The following MORC3 variants were observed in gnomAD, a reference collection of about 807,000 sequenced individuals.
MORC3 encodes the protein MORC family CW-type zinc finger 3.
MORC3 carries 31 observed loss-of-function variants against 109.1 expected under a neutral mutation model. The ratio of observed to expected loss-of-function variants is 0.28; its 90% CI spans 0.21 to 0.38. MORC3 has a LOEUF of 0.38. Ranked by LOEUF, MORC3 falls within the 10% of genes least tolerant of loss-of-function variation. The pLI is 1.00. For missense variants in MORC3, 867 were observed against 1,135.8 expected, an observed-to-expected ratio of 0.76 and a Z score of 3.40; for synonymous variants, 395 against 380.7, an observed-to-expected ratio of 1.04 and a Z score of -0.44.
intron 9 of MORC3, among the ~76,000 whole-genome samples, chr21:36,354,303 TTTTCTTTCTTTC>T (rs938017297): frequency 4.8e-5 from 7 of 145,978 alleles, no homozygotes; most frequent in Non-Finnish European, 5.9e-5. Flanking sequence ...TCCATTTTTG[TTTTCTTTCTTTC>T]TTTCTTTCTT....
intron 1 of MORC3, among the ~76,000 whole-genome samples, chr21:36,322,056 T>C (rs1017596920): frequency 2.0e-5 from 3 of 152,152 alleles, no homozygotes; most frequent in Non-Finnish European, 4.4e-5. Context: ...TTGCTTTAGG[T>C]CAGGAGTTGG....
chr21:36,349,267 T>C, intron 8 of MORC3, 44 bp from the exon 9 acceptor site: 1 of 1,302,804 alleles, frequency 7.7e-7, no homozygotes, highest in South Asian at 1.2e-5. Context: ...ATTTTGAGCA[T>C]CATGTCTTAT....
intron 1 of MORC3, among the ~76,000 whole-genome samples, chr21:36,322,073 A>G (rs1380046088): frequency 1.3e-5 from 2 of 152,184 alleles, no homozygotes; most frequent in Non-Finnish European, 2.9e-5. Flanking sequence ...TTGGCAAACT[A>G]CATACAGCTC....
chr21:36,330,034 G>A (rs986218292), intron 1 of MORC3, among the ~76,000 whole-genome samples: 1 of 151,812 alleles, frequency 6.6e-6, no homozygotes, highest in Non-Finnish European at 1.5e-5. Flanking sequence ...AGCTAATTTT[G>A]CATTTTTAGT....
intron 16 of MORC3, among the ~76,000 whole-genome samples, chr21:36,373,527 G>A (rs2085894141): frequency 6.6e-6 from 1 of 152,014 alleles, no homozygotes; most frequent in Non-Finnish European, 1.5e-5. Flanking sequence ...GGAGGCTGAG[G>A]CAGGAGAATC....
At chr21:36,320,537 A>G (rs1028486309) in intron 1 of MORC3, 9 of 361,388 alleles carry the variant, frequency 2.5e-5, no homozygotes, top group Non-Finnish European at 1.9e-5. Flanking sequence ...GGGGCGGGCC[A>G]GGGTCGCGGC....
intron 10 of MORC3, among the ~76,000 whole-genome samples, chr21:36,357,421 T>A (rs1001303972): frequency 1.3e-5 from 2 of 152,166 alleles, no homozygotes; most frequent in Non-Finnish European, 2.9e-5. Flanking sequence ...TCAATTTTTT[T>A]ATATTTAAAA....
chr21:36,320,414 G>T, intron 1 of MORC3, 111 bp downstream of exon 1: 1 of 1,083,208 alleles, frequency 9.2e-7, no homozygotes, highest in Non-Finnish European at 1.2e-6. Context: ...CGGCGGCGGG[G>T]GCTGCGGCGG....
At chr21:36,360,150 T>G in intron 11 of MORC3, 34 bp from the exon 12 acceptor site, 1 of 1,613,980 alleles carries the variant, frequency 6.2e-7, no homozygotes, top group Non-Finnish European at 8.5e-7. Flanking sequence ...TAGGCGCTGG[T>G]GACATGTTAT....
chr21:36,341,686 C>A, intron 6 of MORC3, 140 bp downstream of exon 6: 2 of 1,184,278 alleles, frequency 1.7e-6, no homozygotes, highest in African/African-American at 1.5e-5. Context: ...TTTTCCCTGG[C>A]CCACTCAGCC....
chr21:36,350,542 CAAAA>C (rs34750900), intron 9 of MORC3, among the ~76,000 whole-genome samples: 34 of 116,292 alleles, frequency 2.9e-4, no homozygotes, highest in Admixed American at 1.7e-3. Context: ...CACCCTGCCT[CAAAA>C]AAAAAAAAAA....
At chr21:36,342,090 C>T (rs1055099029) in intron 6 of MORC3, among the ~76,000 whole-genome samples, 5 of 151,870 alleles carry the variant, frequency 3.3e-5, no homozygotes, top group Non-Finnish European at 7.4e-5. Context: ...TAGTTGGGCA[C>T]GGTGGCAGGC....
intron 2 of MORC3, among the ~76,000 whole-genome samples, chr21:36,335,699 G>A (rs2085368757): frequency 6.6e-6 from 1 of 152,134 alleles, no homozygotes; most frequent in South Asian, 2.1e-4. Context: ...AAATGGAGAA[G>A]TATACAGAAA....
At chr21:36,337,089 T>C (rs2085382551) in intron 3 of MORC3, 83 bp downstream of exon 3, 1 of 1,502,422 alleles carries the variant, frequency 6.7e-7, no homozygotes, top group Non-Finnish European at 9.0e-7. Flanking sequence ...TTCTTGGTTT[T>C]TGTTTTTTGA....
intron 9 of MORC3, among the ~76,000 whole-genome samples, chr21:36,350,798 T>A (rs1001564368): frequency 1.7e-4 from 26 of 152,222 alleles, no homozygotes; most frequent in Non-Finnish European, 3.2e-4. Flanking sequence ...ACATACTAAA[T>A]TCAGACATTT....
intron 14 of MORC3, among the ~76,000 whole-genome samples, chr21:36,368,591 T>C (rs1489505655): frequency 1.3e-5 from 2 of 152,154 alleles, no homozygotes; most frequent in Non-Finnish European, 2.9e-5. Flanking sequence ...TTGCAAAACT[T>C]ATAGCTGGGC....
chr21:36,366,606 C>T (rs57154050), intron 14 of MORC3, among the ~76,000 whole-genome samples: 4,498 of 152,108 alleles, frequency 0.03, 202 homozygotes, highest in African/African-American at 0.1. Flanking sequence ...AAATGTACAC[C>T]GCCATGCCCT....
chr21:36,345,183 T>C, intron 8 of MORC3, 152 bp downstream of exon 8: 1 of 793,366 alleles, frequency 1.3e-6, no homozygotes, highest in Non-Finnish European at 1.9e-6. Flanking sequence ...CTGTGGTATT[T>C]GAACTTTTAT....
At chr21:36,325,001 G>C (rs1036873825) in intron 1 of MORC3, among the ~76,000 whole-genome samples, 2 of 152,096 alleles carry the variant, frequency 1.3e-5, no homozygotes, top group Non-Finnish European at 2.9e-5. Context: ...GAGCCACCGC[G>C]CCTGGCAGCC....
Sources: gnomAD v4.1 joint callset for allele counts (sites outside exome capture counted in the v4.1 genomes callset) on GRCh38, gnomAD v4.1.1 for gene constraint, MANE v1.5 for transcripts, NCBI Gene and HGNC (gene_info 2026-07-23, HGNC 2026-07-21) for gene names.